B3GALT5: variants seen among roughly 807,000 people sequenced by gnomAD.
The protein encoded by B3GALT5 is UDP-Gal:betaGlcNAc beta 1,3-galactosyltransferase, polypeptide 5.
For missense variants in B3GALT5, 328 were observed against 396.6 expected (o/e 0.83, Z 1.47); for synonymous variants, 156 against 158.6 (o/e 0.98, Z 0.12).
intron 1 of B3GALT5, among the ~76,000 whole-genome samples, chr21:39,622,285 A>G (rs2079138041): frequency 6.6e-6 from 1 of 152,096 alleles, no homozygotes; most frequent in South Asian, 2.1e-4. Flanking sequence ...AATGAAGTTT[A>G]TTAATTTTCA....
intron 1 of B3GALT5, among the ~76,000 whole-genome samples, chr21:39,617,585 T>C (rs1237630354): frequency 6.6e-6 from 1 of 152,142 alleles, no homozygotes; most frequent in Non-Finnish European, 1.5e-5. Context: ...ATCCAATCAC[T>C]TCCCTCCCTC....
At chr21:39,653,395 A>G (rs918956698) in intron 2 of B3GALT5, among the ~76,000 whole-genome samples, 1 of 152,202 alleles carries the variant, frequency 6.6e-6, no homozygotes, top group Non-Finnish European at 1.5e-5. Flanking sequence ...GTCTCTGGAA[A>G]TGGGTCTGGG....
In B3GALT5 at chr21:39,663,058, A is replaced by G. The variant is rs999534587; in HGVS notation, c.*1566A>G. ...GCTCTGAACGCACTGGGTCATGTTC[A>G]GAAAAGCCTCCTTCTCAGGTGGAAA... On this transcript the variant is annotated 3_prime_UTR_variant, in exon 4 of 4. Transcript: ENST00000684187. 2 of 152,238 alleles carry G rather than the reference A, an allele frequency of 1.3e-5. No homozygotes were observed. The highest frequency in any genetic ancestry group is 4.8e-5 in the African/African-American group (2 of 41,468). 9.4% of individuals were successfully genotyped at this position (152,238 alleles called of 1,614,324 possible).
At chr21:39,645,880 C>G (rs1215436833) in intron 1 of B3GALT5, among the ~76,000 whole-genome samples, 1 of 151,672 alleles carries the variant, frequency 6.6e-6, no homozygotes, top group Non-Finnish European at 1.5e-5. Flanking sequence ...AGTTTTTACT[C>G]TGTTAAACAA....
chr21:39,620,117 C>T (rs997058751), intron 1 of B3GALT5, among the ~76,000 whole-genome samples: 18 of 152,222 alleles, frequency 1.2e-4, no homozygotes, highest in Non-Finnish European at 2.4e-4. Context: ...TGAGCCTGCC[C>T]GGCCATAATA....
intron 1 of B3GALT5, among the ~76,000 whole-genome samples, chr21:39,617,116 T>G (rs910724086): frequency 6.6e-6 from 1 of 152,194 alleles, no homozygotes; most frequent in African/African-American, 2.4e-5. Flanking sequence ...TCATCCCTTC[T>G]CACTATCCTG....
intron 1 of B3GALT5, among the ~76,000 whole-genome samples, chr21:39,623,519 T>C (rs2079148737): frequency 6.6e-6 from 1 of 152,148 alleles, no homozygotes; most frequent in East Asian, 1.9e-4. Context: ...GGTGATAAGC[T>C]TTCTTACTAT....
intron 1 of B3GALT5, among the ~76,000 whole-genome samples, chr21:39,634,706 G>T (rs938704442): frequency 1.3e-5 from 2 of 152,138 alleles, no homozygotes; most frequent in African/African-American, 2.4e-5. Flanking sequence ...TCCTGGCCAA[G>T]CATATTGGTT....
At position 39,667,706 on chromosome 21, in the gene B3GALT5, A is replaced by G. The variant is rs2146231702; in HGVS notation, c.*6214A>G. 6.6e-6 allele frequency: 1 copy of G among 152,372 alleles called. No individual in the cohort carries two copies. The highest frequency in any genetic ancestry group is 2.1e-4 in the South Asian group (1 of 4,826). The allele number at this position is 152,372 out of a possible 1,614,324, so 9.4% of individuals were successfully genotyped here. A position where few individuals can be genotyped will look rare whatever the true frequency, so the allele number is the denominator to read the frequency against. On this transcript the variant is annotated 3_prime_UTR_variant, in exon 4 of 4. Transcript: ENST00000684187. ...CACCCGGTAAGGAGGTAACTGGGAC[A>G]CCAGGTTACTGTCTACCTGGTGGGG... is the stretch of plus-strand genomic sequence containing the variant.
intron 1 of B3GALT5, among the ~76,000 whole-genome samples, chr21:39,618,055 T>G (rs1019218114): frequency 6.6e-6 from 1 of 152,096 alleles, no homozygotes; most frequent in Non-Finnish European, 1.5e-5. Flanking sequence ...CTTGGGAGGC[T>G]GAGATGGGAG....
intron 1 of B3GALT5, among the ~76,000 whole-genome samples, chr21:39,626,584 C>T (rs1210850573): frequency 1.3e-5 from 2 of 152,074 alleles, no homozygotes; most frequent in East Asian, 3.9e-4. Flanking sequence ...GATTTCCTTG[C>T]CAACATTCGT....
At chr21:39,626,072 A>T (rs1183011932) in intron 1 of B3GALT5, among the ~76,000 whole-genome samples, 1 of 152,082 alleles carries the variant, frequency 6.6e-6, no homozygotes, top group African/African-American at 2.4e-5. Context: ...TGTACCCATT[A>T]TCAGTCATTT....
At chr21:39,625,143 T>A (rs2079157253) in intron 1 of B3GALT5, among the ~76,000 whole-genome samples, 1 of 152,240 alleles carries the variant, frequency 6.6e-6, no homozygotes, top group Non-Finnish European at 1.5e-5. Flanking sequence ...TAAAGGAAGC[T>A]CTTTCACTGA....
intron 2 of B3GALT5, among the ~76,000 whole-genome samples, chr21:39,659,520 T>C (rs1410697150): frequency 6.6e-6 from 1 of 152,180 alleles, no homozygotes; most frequent in Non-Finnish European, 1.5e-5. Flanking sequence ...TATCCTAACT[T>C]ATTAGGCTTG....
intron 3 of B3GALT5, 93 bp downstream of exon 3, chr21:39,660,005 A>G: frequency 1.4e-6 from 1 of 731,180 alleles, no homozygotes; most frequent in Non-Finnish European, 1.7e-6. Flanking sequence ...AACAGGAAAG[A>G]ATCAGATCAG....
At chr21:39,620,819 G>A (rs1356515015) in intron 1 of B3GALT5, among the ~76,000 whole-genome samples, 2 of 152,042 alleles carry the variant, frequency 1.3e-5, no homozygotes, top group Non-Finnish European at 1.5e-5. Flanking sequence ...GAGATTTTGG[G>A]GTTGTTTGTG....
chr21:39,654,852 G>A (rs1332109143), intron 2 of B3GALT5, among the ~76,000 whole-genome samples: 3 of 152,084 alleles, frequency 2.0e-5, no homozygotes, highest in Admixed American at 2.0e-4. Context: ...CGTAAGATAT[G>A]TATGTTATTT....
At chr21:39,642,418 C>T (rs1322408900) in intron 1 of B3GALT5, among the ~76,000 whole-genome samples, 2 of 152,252 alleles carry the variant, frequency 1.3e-5, no homozygotes, top group East Asian at 3.9e-4. Flanking sequence ...AATGGCTGAG[C>T]TGAGAAGGCA....
chr21:39,639,288 C>CTCTTTCTT (rs71184689), intron 1 of B3GALT5, among the ~76,000 whole-genome samples: 1,412 of 98,454 alleles, frequency 0.014, 147 homozygotes, highest in East Asian at 0.018. Flanking sequence ...AGGCATCTGG[C>CTCTTTCTT]TCTTTCTTTC....
Sources: allele counts gnomAD v4.1 joint callset (sites outside exome capture counted in the v4.1 genomes callset), GRCh38; gene constraint gnomAD v4.1.1; transcripts MANE v1.5; gene names NCBI Gene and HGNC (gene_info 2026-07-23, HGNC 2026-07-21).